Variants in NAALADL2 observed in about 807,000 individuals in gnomAD.
The protein encoded by NAALADL2 is inactive N-acetylated-alpha-linked acidic dipeptidase-like protein 2.
A neutral mutation model predicts 87.2 loss-of-function variants in NAALADL2; 76 were observed. That is an observed-to-expected ratio of 0.87 (90% CI 0.72 to 1.05). The LOEUF (loss-of-function observed/expected upper bound fraction) is 1.05. Among genes scored for constraint, NAALADL2 ranks in the 50% least tolerant of loss-of-function variants. The pLI is 0.00. For missense variants in NAALADL2, 1,089 were observed against 945.8 expected (o/e 1.15, Z -1.99); for synonymous variants, 354 against 331.0 (o/e 1.07, Z -0.75).
chr3:175,260,264 T>A (rs910458370), intron 4 of NAALADL2, among the ~76,000 whole-genome samples: 19 of 152,112 alleles, frequency 1.2e-4, no homozygotes, highest in African/African-American at 3.6e-4. Context: ...TAAATAAATT[T>A]AAAAAAAATT....
At chr3:175,291,667 C>T (rs1755656563) in intron 4 of NAALADL2, among the ~76,000 whole-genome samples, 1 of 151,976 alleles carries the variant, frequency 6.6e-6, no homozygotes, top group Non-Finnish European at 1.5e-5. Context: ...AAGAGCTTTA[C>T]CCCAAGGAAT....
intron 1 of NAALADL2, among the ~76,000 whole-genome samples, chr3:174,481,083 T>G (rs531937559): frequency 1.3e-5 from 2 of 152,186 alleles, no homozygotes; most frequent in South Asian, 4.1e-4. Context: ...GAGATTGACT[T>G]ATCGCATAAA....
chr3:175,552,931 G>T (rs1185453503), intron 9 of NAALADL2, among the ~76,000 whole-genome samples: 5 of 151,840 alleles, frequency 3.3e-5, no homozygotes, highest in Non-Finnish European at 1.5e-5. Flanking sequence ...GTGACAAATA[G>T]GTTATTTTTA....
chr3:175,662,398 T>G (rs1200022133), intron 11 of NAALADL2, among the ~76,000 whole-genome samples: 1 of 152,000 alleles, frequency 6.6e-6, no homozygotes, highest in Admixed American at 6.6e-5. Context: ...TGGATTCTTT[T>G]AAGTTTTTCT....
At chr3:175,785,675 C>A (rs1220574272) in intron 13 of NAALADL2, among the ~76,000 whole-genome samples, 14 of 134,618 alleles carry the variant, frequency 1.0e-4, no homozygotes, top group Non-Finnish European at 2.0e-4. Context: ...CAGTCTGTGT[C>A]TTTTAATTGG....
chr3:175,284,184 G>GTGT (rs1754685825), intron 4 of NAALADL2, among the ~76,000 whole-genome samples: 1 of 41,452 alleles, frequency 2.4e-5, no homozygotes, highest in South Asian at 1.1e-3. Context: ...CCTTTACACT[G>GTGT]TGTTTTTTTT....
intron 4 of NAALADL2, among the ~76,000 whole-genome samples, chr3:175,280,856 CTT>C (rs991046653): frequency 6.6e-6 from 1 of 151,944 alleles, no homozygotes; most frequent in African/African-American, 2.4e-5. Context: ...CATTTTTAAT[CTT>C]TTTATCCTGA....
chr3:175,809,283 T>C lies in NAALADL2; in HGVS notation c.*6080T>C, dbSNP rs968359991. 6.6e-6 allele frequency: 1 copy of C among 151,918 alleles called. No homozygotes were observed. Among genetic ancestry groups the C allele is most frequent in the Non-Finnish European group, 1.5e-5 (1 of 67,934 alleles). The allele number at this position is 151,918 out of a possible 1,614,324, so 9.4% of individuals were successfully genotyped here. On this transcript the variant is annotated 3_prime_UTR_variant, in exon 14 of 14. Coordinates refer to ENST00000454872, the MANE Select transcript of NAALADL2 (RefSeq NM_207015.3). Reference sequence around the variant, plus strand: ...ACATAATTATATTCCAAAGGTGTTATAAACAATTCTATTTAGCATCTGAGA... The same window carrying C: ...ACATAATTATATTCCAAAGGTGTTACAAACAATTCTATTTAGCATCTGAGA...
intron 5 of NAALADL2, among the ~76,000 whole-genome samples, chr3:175,364,738 G>T: frequency 6.8e-6 from 1 of 147,230 alleles, no homozygotes; most frequent in East Asian, 2.0e-4. Context: ...TAAAATGGCA[G>T]ATAAATGTAT....
intron 2 of NAALADL2, among the ~76,000 whole-genome samples, chr3:174,727,955 A>T (rs771697334): frequency 6.6e-6 from 1 of 152,128 alleles, no homozygotes; most frequent in African/African-American, 2.4e-5. Flanking sequence ...ATAACCTAAT[A>T]TAGTTGGGAT....
At position 174,654,180 on chromosome 3, in the gene NAALADL2, A is replaced by T. The variant is rs565976201; in HGVS notation, c.-114-83461A>T. ...AGAAAAGGAGAAAGTGGTCAAACCCATTTATTTGCATTATACTCTGCTATG... is the reference window on the plus strand; with the variant it reads ...AGAAAAGGAGAAAGTGGTCAAACCCTTTTATTTGCATTATACTCTGCTATG... On this transcript the variant is annotated intron_variant, in intron 2 of 3. Coordinates refer to the NAALADL2 transcript ENST00000434257. Among the ~76,000 whole-genome samples, 4 of 152,064 alleles carry T rather than the reference A, an allele frequency of 2.6e-5. No individual in the cohort carries two copies. The South Asian group carries it at 8.3e-4, about 32-fold the overall frequency.
intron 9 of NAALADL2, among the ~76,000 whole-genome samples, chr3:175,508,264 A>G (rs770998586): frequency 3.3e-5 from 5 of 152,188 alleles, no homozygotes; most frequent in African/African-American, 7.2e-5. Context: ...TGATAATTCA[A>G]CATGAGATTT....
intron 1 of NAALADL2, among the ~76,000 whole-genome samples, chr3:174,538,083 C>T (rs1721891870): frequency 6.6e-6 from 1 of 152,008 alleles, no homozygotes; most frequent in African/African-American, 2.4e-5. Flanking sequence ...ATAGGTTGCC[C>T]CAGCAGAGGC....
At chr3:175,682,922 T>C (rs546239871) in intron 11 of NAALADL2, among the ~76,000 whole-genome samples, 1 of 152,120 alleles carries the variant, frequency 6.6e-6, no homozygotes, top group African/African-American at 2.4e-5. Context: ...TGTCATACCC[T>C]TGGGGAAACA....
chr3:175,202,956 G>A (rs549922574), intron 2 of NAALADL2, among the ~76,000 whole-genome samples: 2 of 152,126 alleles, frequency 1.3e-5, no homozygotes, highest in South Asian at 2.1e-4. Flanking sequence ...GACCGGTCTT[G>A]CACCCACCTT....
intron 11 of NAALADL2, among the ~76,000 whole-genome samples, chr3:175,638,920 T>C (rs374493236): frequency 1.3e-5 from 2 of 152,316 alleles, no homozygotes; most frequent in East Asian, 3.9e-4. Flanking sequence ...GTAGTTGTTC[T>C]TGTGTGTACT....
chr3:174,982,755 A>T (rs1368674862), intron 1 of NAALADL2, among the ~76,000 whole-genome samples: 1 of 152,150 alleles, frequency 6.6e-6, no homozygotes, highest in Non-Finnish European at 1.5e-5. Context: ...GCAAATGATG[A>T]CGTGTTAGAT....
chr3:174,490,797 GAA>G (rs1417726215), intron 1 of NAALADL2, among the ~76,000 whole-genome samples: 91 of 152,142 alleles, frequency 6.0e-4, no homozygotes, highest in African/African-American at 2.2e-3. Context: ...GGGTGAAGGA[GAA>G]GTTGGTGGGT....
intron 2 of NAALADL2, among the ~76,000 whole-genome samples, chr3:174,649,153 G>A (rs961185646): frequency 4.0e-5 from 6 of 151,726 alleles, no homozygotes; most frequent in African/African-American, 1.5e-4. Flanking sequence ...TAGTAGAGAT[G>A]GGGTTTCACC....
Sources: allele counts gnomAD v4.1 joint callset (sites outside exome capture counted in the v4.1 genomes callset), GRCh38; gene constraint gnomAD v4.1.1; transcripts MANE v1.5; gene names NCBI Gene and HGNC (gene_info 2026-07-23, HGNC 2026-07-21).